The following SYT4 variants were observed in gnomAD, a reference collection of about 807,000 sequenced individuals.
SYT4 encodes synaptotagmin 4, also known as synaptotagmin-4.
A neutral mutation model predicts 32.9 loss-of-function variants in SYT4; 7 were observed. That is an observed-to-expected ratio of 0.21 (90% CI 0.12 to 0.40). The LOEUF is 0.40. SYT4 is among the 10% of genes least tolerant of loss of function. The pLI is 1.00. For missense variants in SYT4, 480 were observed against 488.0 expected (o/e 0.98, Z 0.16); for synonymous variants, 205 against 186.2 (o/e 1.10, Z -0.82).
intron 1 of SYT4, among the ~76,000 whole-genome samples, chr18:43,275,268 T>G (rs1238118299): frequency 3.3e-5 from 5 of 152,166 alleles, no homozygotes; most frequent in Non-Finnish European, 7.4e-5. Flanking sequence ...ATTATTTTCT[T>G]GAATGATGGC....
rs1044815635 is a variant in SYT4, at chr18:43,277,410, G to C, written c.-129C>G. 1 of 1,041,160 alleles carries C rather than the reference G, an allele frequency of 9.6e-7. No individual in the cohort carries two copies. The allele number at this position is 1,041,160 out of a possible 1,614,324, so 64.5% of individuals were successfully genotyped here. On this transcript the variant is annotated 5_prime_UTR_variant, in exon 1 of 4. Transcript: ENST00000255224. ...CGCAGAGCCCAGGGCACCAGCTCCT[G>C]GAACAGGGAGGAGGCAAAGAGGGAG...
chr18:43,272,669 T>C lies in SYT4; in HGVS notation c.850-837A>G, dbSNP rs992149346. Among the ~76,000 whole-genome samples, 12 of 152,154 alleles carry C rather than the reference T, an allele frequency of 7.9e-5. 1 individual carries two copies. Among genetic ancestry groups the C allele is most frequent in the Admixed American group, 3.9e-4 (6 of 15,266 alleles). ...TATACAAAAACTAATATGGGACAGC[T>C]GTATAAGTAGGCACTCTAAGGAGAA... On this transcript the variant is annotated intron_variant, in intron 2 of 3. Coordinates refer to ENST00000255224, the MANE Select transcript of SYT4 (RefSeq NM_020783.4).
chr18:43,277,104 G>T, intron 1 of SYT4, 144 bp downstream of exon 1: 2 of 951,054 alleles, frequency 2.1e-6, no homozygotes, highest in Non-Finnish European at 3.1e-6. Flanking sequence ...AGCCACAATT[G>T]CCTGACTGCC....
rs1463079498 is a variant in SYT4, at chr18:43,277,228, A to C, written c.34+20T>G. ...GTATTCAAGGAATAACCGCAGTCAT[A>C]AGTTCAGTAACTTGCTTACCAAATT... On this transcript the variant is annotated intron_variant, in intron 1 of 3. Coordinates refer to ENST00000255224, the MANE Select transcript of SYT4 (RefSeq NM_020783.4). The C allele has an allele frequency of 2.5e-6, 4 of 1,613,934 alleles. No individual in the cohort carries two copies. The highest frequency in any genetic ancestry group is 2.5e-6 in the Non-Finnish European group (3 of 1,179,878).
chr18:43,272,494 T>A (rs1908661088), intron 2 of SYT4, among the ~76,000 whole-genome samples: 1 of 152,196 alleles, frequency 6.6e-6, no homozygotes, highest in African/African-American at 2.4e-5. Context: ...CTTTGCGTGC[T>A]ACTTAGATTT....
At position 43,273,657 on chromosome 18, in the gene SYT4, G is replaced by A. The variant is rs953479610; in HGVS notation, c.772C>T (p.Leu258=). The A allele has an allele frequency of 1.1e-5, 17 of 1,613,726 alleles. No individual in the cohort carries two copies. The highest frequency in any genetic ancestry group is 1.4e-5 in the Non-Finnish European group (16 of 1,179,816). The change falls in exon 2 of 4, where the codon CTA becomes TTA. Residue 258 remains leucine, a synonymous_variant. Transcript: ENST00000255224. The stretch of plus-strand genomic sequence containing the variant: ...AATTCAATTCCCGAGAGAGGAATTA[G>A]AACTTCCCCAATGATATCATCTCTT... ...FSRDDIIGEV[L]IPLSGIELSE...
chr18:43,269,916 A>C lies in SYT4; in HGVS notation c.*425T>G. ...TTTTTAGTATCTTTGGATTTAAAGA[A>C]AAATTGATTTCCCCAACCTGAAGAT... On this transcript the variant is annotated 3_prime_UTR_variant, in exon 4 of 4. Transcript: ENST00000255224. The C allele has an allele frequency of 6.0e-6, 1 of 165,388 alleles. No individual in the cohort carries two copies. The highest frequency in any genetic ancestry group is 1.7e-4 in the East Asian group (1 of 5,948). 10.2% of individuals were successfully genotyped at this position (165,388 alleles called of 1,614,324 possible). A position where few individuals can be genotyped will look rare whatever the true frequency, so the allele number is the denominator to read the frequency against.
intron 2 of SYT4, chr18:43,272,079 C>T: frequency 3.8e-6 from 1 of 262,448 alleles, no homozygotes; most frequent in Non-Finnish European, 7.3e-6. Flanking sequence ...AAATTGGCCA[C>T]ACCCATTACT....
intron 3 of SYT4, among the ~76,000 whole-genome samples, 187 bp from the exon 4 acceptor site, chr18:43,270,835 G>A (rs1254212033): frequency 1.3e-5 from 2 of 151,582 alleles, no homozygotes; most frequent in Non-Finnish European, 1.5e-5. Context: ...AAATAAGGAA[G>A]AATATGGAAA....
In SYT4 at chr18:43,273,673, A is replaced by C; in HGVS notation, c.756T>G (p.Asp252Glu). The change falls in exon 2 of 4, where the codon GAT becomes GAG. Residue 252 changes from aspartate to glutamate, a missense_variant. Transcript: ENST00000255224. ...GAGGAATTAGAACTTCCCCAATGATATCATCTCTTGAAAACCTGTCAAAAC... is the reference window on the plus strand; with the variant it reads ...GAGGAATTAGAACTTCCCCAATGATCTCATCTCTTGAAAACCTGTCAAAAC... ...ILSFDRFSRD[D>E]IIGEVLIPLS... is the part of the protein sequence containing the mutation. 6.2e-7 allele frequency: 1 copy of C among 1,613,968 alleles called. No individual in the cohort carries two copies. The highest frequency in any genetic ancestry group is 2.2e-5 in the East Asian group (1 of 44,858).
intron 2 of SYT4, 121 bp from the exon 3 acceptor site, chr18:43,271,953 T>C (rs1257024522): frequency 8.9e-7 from 1 of 1,118,284 alleles, no homozygotes; most frequent in African/African-American, 1.6e-5. Flanking sequence ...TATTTTAATA[T>C]TCTAAGGAAT....
intron 2 of SYT4, among the ~76,000 whole-genome samples, chr18:43,272,918 G>T (rs1393465441): frequency 6.6e-6 from 1 of 152,164 alleles, no homozygotes; most frequent in African/African-American, 2.4e-5. Flanking sequence ...ATAGAGAGAA[G>T]TTATTCTGAT....
rs996227204 is a variant in SYT4, at chr18:43,270,219, T to A, written c.*122A>T. The stretch of plus-strand genomic sequence containing the variant: ...CTGGTCTACTAATTCAATCCATTTC[T>A]AGCAACAACAACAACAACAAAAAGG... On this transcript the variant is annotated 3_prime_UTR_variant, in exon 4 of 4. Coordinates refer to ENST00000255224, the MANE Select transcript of SYT4 (RefSeq NM_020783.4). 1.9e-6 allele frequency: 2 copies of A among 1,030,590 alleles called. No individual in the cohort carries two copies. Among genetic ancestry groups the A allele is most frequent in the Non-Finnish European group, 2.9e-6 (2 of 700,958 alleles). The allele number at this position is 1,030,590 out of a possible 1,614,324, so 63.8% of individuals were successfully genotyped here.
rs1256233053 is a variant in SYT4 at position 43,271,776 on chromosome 18, G to T, written c.906C>A (p.Asn302Lys). 2 of 1,613,166 alleles carry T rather than the reference G, an allele frequency of 1.2e-6. No homozygotes were observed. Among genetic ancestry groups the T allele is most frequent in the Admixed American group, 3.3e-5 (2 of 59,970 alleles). The change falls in exon 3 of 4, where the codon AAC (asparagine) becomes AAA (lysine). Residue 302 changes from asparagine (N) to lysine (K), a missense_variant. Physicochemically the swap from Asn to Lys is moderately conservative, Grantham distance 94. Transcript: ENST00000255224. ...LISLCYQSTTNTLTVVVLKAR... is the reference protein window; with the variant it reads ...LISLCYQSTTKTLTVVVLKAR... ...CTTTTAAGACAACCACAGTTAGAGT[G>T]TTTGTGGTGGACTGATAGCAGAGAG...
intron 1 of SYT4, among the ~76,000 whole-genome samples, chr18:43,276,307 G>C (rs894941448): frequency 8.5e-5 from 13 of 152,062 alleles, no homozygotes; most frequent in African/African-American, 3.1e-4. Flanking sequence ...TTACAATCTT[G>C]AAAGTCAAGA....
chr18:43,271,617 G>A, intron 3 of SYT4, 95 bp downstream of exon 3: 1 of 1,495,466 alleles, frequency 6.7e-7, no homozygotes, highest in Non-Finnish European at 9.0e-7. Flanking sequence ...TAAGGTATTA[G>A]AGAAAAGATA....
Position 43,271,696 on chromosome 18 carries a change from T to C in SYT4, c.970+16A>G. 6.2e-7 allele frequency: 1 copy of C among 1,612,012 alleles called. No homozygotes were observed. Among genetic ancestry groups the C allele is most frequent in the South Asian group, 1.1e-5 (1 of 90,996 alleles). On this transcript the variant is annotated intron_variant, in intron 3 of 3. Coordinates refer to ENST00000255224, the MANE Select transcript of SYT4 (RefSeq NM_020783.4). ...CAATCATACAGTGAATCTGAATATT[T>C]CAGAAGCATTCTTACCTGAAAGTCC...
chr18:43,271,672 A>G, intron 3 of SYT4, 40 bp downstream of exon 3: 3 of 1,609,408 alleles, frequency 1.9e-6, no homozygotes, highest in Non-Finnish European at 2.5e-6. Flanking sequence ...AATACATTCC[A>G]ATCATACAGT....
At chr18:43,272,741 C>A (rs1468083100) in intron 2 of SYT4, among the ~76,000 whole-genome samples, 1 of 152,010 alleles carries the variant, frequency 6.6e-6, no homozygotes, top group Non-Finnish European at 1.5e-5. Flanking sequence ...ACTTAACCAG[C>A]CGGGTGTCTC....
Sources: gnomAD v4.1 joint callset for allele counts (sites outside exome capture counted in the v4.1 genomes callset) on GRCh38, gnomAD v4.1.1 for gene constraint, MANE v1.5 for transcripts, NCBI Gene and HGNC (gene_info 2026-07-23, HGNC 2026-07-21) for gene names.